Variants in CDC42SE2 observed in about 807,000 individuals in gnomAD.
CDC42SE2 encodes the protein CDC42 small effector protein 2.
In CDC42SE2, 3 loss-of-function variants were observed where a neutral mutation model predicts 11.5. That is an observed-to-expected ratio of 0.26 (90% confidence interval 0.12 to 0.67). The LOEUF is 0.67. Among genes scored for constraint, CDC42SE2 ranks in the 30% least tolerant of loss-of-function variants. The pLI is 0.80. For missense variants in CDC42SE2, 82 were observed against 106.8 expected (o/e 0.77, Z 1.02); for synonymous variants, 33 against 34.8 (o/e 0.95, Z 0.18).
At chr5:131,324,341 AT>A (rs1277199118) in intron 2 of CDC42SE2, among the ~76,000 whole-genome samples, 2 of 152,032 alleles carry the variant, frequency 1.3e-5, no homozygotes, top group Non-Finnish European at 2.9e-5. Flanking sequence ...TCTTCATTAT[AT>A]TTGGTGTGTG....
At chr5:131,322,107 C>T (rs975395037) in intron 2 of CDC42SE2, among the ~76,000 whole-genome samples, 4 of 152,108 alleles carry the variant, frequency 2.6e-5, no homozygotes, top group African/African-American at 9.7e-5. Context: ...GCCTCGGGCT[C>T]CCAAAGTGCT....
chr5:131,224,912 C>A, the CDC42SE2 span, among the ~76,000 whole-genome samples: 7 of 151,886 alleles, frequency 4.6e-5, no homozygotes, highest in South Asian at 1.5e-3. Context: ...GGCATCAGGC[C>A]AGCAGCAGCC....
At chr5:131,256,466 C>T (rs1051007085) in intron 2 of CDC42SE2, among the ~76,000 whole-genome samples, 2 of 152,202 alleles carry the variant, frequency 1.3e-5, no homozygotes, top group African/African-American at 4.8e-5. Flanking sequence ...TGGGCTGAAA[C>T]AACATCCATT....
chr5:131,346,701 T>G (rs1317831992), intron 2 of CDC42SE2, among the ~76,000 whole-genome samples: 1 of 152,202 alleles, frequency 6.6e-6, no homozygotes, highest in Non-Finnish European at 1.5e-5. Flanking sequence ...AGAATATACA[T>G]TCTTCTCAGC....
At chr5:131,322,599 A>G (rs890499217) in intron 2 of CDC42SE2, among the ~76,000 whole-genome samples, 5 of 152,134 alleles carry the variant, frequency 3.3e-5, no homozygotes, top group African/African-American at 1.2e-4. Context: ...CTCTGGCATC[A>G]GTCTTGTAAG....
At chr5:131,220,261 C>T in the CDC42SE2 span, among the ~76,000 whole-genome samples, 2 of 152,106 alleles carry the variant, frequency 1.3e-5, no homozygotes, top group Non-Finnish European at 2.9e-5. Flanking sequence ...GGCTGGAGTG[C>T]CGTGGCACCA....
At chr5:131,279,770 T>G (rs1580728417) in intron 1 of CDC42SE2, among the ~76,000 whole-genome samples, 1 of 152,204 alleles carries the variant, frequency 6.6e-6, no homozygotes, top group East Asian at 1.9e-4. Flanking sequence ...AAATTATTGT[T>G]TAAAAATTGA....
chr5:131,336,842 C>CT (rs1758576489), intron 2 of CDC42SE2, among the ~76,000 whole-genome samples: 1 of 152,154 alleles, frequency 6.6e-6, no homozygotes, highest in South Asian at 2.1e-4. Flanking sequence ...AACGACTTCT[C>CT]TGAGTTGATT....
intron 2 of CDC42SE2, among the ~76,000 whole-genome samples, chr5:131,357,094 C>T (rs892941989): frequency 6.6e-6 from 1 of 152,090 alleles, no homozygotes; most frequent in African/African-American, 2.4e-5. Flanking sequence ...ATTCTTTGAG[C>T]TTATAAAACT....
the CDC42SE2 span, among the ~76,000 whole-genome samples, chr5:131,229,753 G>T: frequency 6.6e-6 from 1 of 152,136 alleles, no homozygotes; most frequent in Non-Finnish European, 1.5e-5. Flanking sequence ...AGGCAACATG[G>T]GGAAACCCCA....
chr5:131,218,712 A>G, the CDC42SE2 span, among the ~76,000 whole-genome samples: 2 of 152,232 alleles, frequency 1.3e-5, no homozygotes, highest in African/African-American at 4.8e-5. Flanking sequence ...AAATTGATAT[A>G]TAATGTTATA....
chr5:131,233,007 C>T, the CDC42SE2 span, among the ~76,000 whole-genome samples: 1 of 151,788 alleles, frequency 6.6e-6, no homozygotes, highest in Non-Finnish European at 1.5e-5. Context: ...CCATCTCTGT[C>T]CCTTGCTTCC....
At chr5:131,336,330 C>T (rs994930145) in intron 2 of CDC42SE2, among the ~76,000 whole-genome samples, 4 of 152,274 alleles carry the variant, frequency 2.6e-5, no homozygotes, top group Non-Finnish European at 5.9e-5. Context: ...GAGTTTCTGC[C>T]GAGAGATCTG....
At chr5:131,385,383 T>C (rs150878257) in intron 3 of CDC42SE2, among the ~76,000 whole-genome samples, 160 bp from the exon 4 acceptor site, 1 of 152,180 alleles carries the variant, frequency 6.6e-6, no homozygotes, top group East Asian at 1.9e-4. Context: ...GTGCATATAT[T>C]TGTCTTGGGG....
At chr5:131,306,865 T>C (rs984736990) in intron 1 of CDC42SE2, among the ~76,000 whole-genome samples, 2 of 152,122 alleles carry the variant, frequency 1.3e-5, no homozygotes, top group African/African-American at 2.4e-5. Flanking sequence ...GTGAATAGAA[T>C]TGATTTCTTA....
chr5:131,384,215 TTCTA>T (rs766374717), intron 3 of CDC42SE2, among the ~76,000 whole-genome samples: 83 of 152,336 alleles, frequency 5.4e-4, no homozygotes, highest in Middle Eastern at 3.4e-3. Flanking sequence ...TGGTTGTTGT[TTCTA>T]TCTATGACAA....
intron 3 of CDC42SE2, among the ~76,000 whole-genome samples, chr5:131,374,951 C>T (rs536228355): frequency 6.6e-6 from 1 of 151,306 alleles, no homozygotes; most frequent in South Asian, 2.1e-4. Flanking sequence ...ACAGAAATTT[C>T]TAGTGAAAAG....
the CDC42SE2 span, among the ~76,000 whole-genome samples, chr5:131,221,663 C>T: frequency 1.3e-5 from 2 of 151,248 alleles, no homozygotes; most frequent in African/African-American, 2.4e-5. Context: ...AAAAGTTAAG[C>T]TTTCTTGCAC....
At chr5:131,292,572 A>C (rs1261376138) in intron 1 of CDC42SE2, among the ~76,000 whole-genome samples, 7 of 149,842 alleles carry the variant, frequency 4.7e-5, no homozygotes, top group Non-Finnish European at 4.4e-5. Flanking sequence ...AAAAAAAAAA[A>C]AAACAAAAAA....
Sources: allele counts gnomAD v4.1 joint callset (sites outside exome capture counted in the v4.1 genomes callset), GRCh38; gene constraint gnomAD v4.1.1; transcripts MANE v1.5; gene names NCBI Gene and HGNC (gene_info 2026-07-23, HGNC 2026-07-21).